Variants in MIAT observed in about 807,000 individuals in gnomAD.
The protein encoded by MIAT is MI related novel mRNA.
chr22:26,652,972 C>T, intron 2 of MIAT, among the ~76,000 whole-genome samples: 1 of 152,152 alleles, frequency 6.6e-6, no homozygotes, highest in East Asian at 1.9e-4. Context: ...CTTGCTCTTC[C>T]TAGCATATGT....
At chr22:26,659,652 A>G (rs1930586068) in intron 2 of MIAT, among the ~76,000 whole-genome samples, 1 of 152,074 alleles carries the variant, frequency 6.6e-6, no homozygotes, top group Non-Finnish European at 1.5e-5. Context: ...AGCCTGGGCA[A>G]CATGGTGAGA....
chr22:26,654,910 C>A (rs929747382), intron 2 of MIAT, among the ~76,000 whole-genome samples: 1 of 152,090 alleles, frequency 6.6e-6, no homozygotes, highest in Non-Finnish European at 1.5e-5. Context: ...GATGGGGTTT[C>A]ACCGTATTAG....
intron 2 of MIAT, among the ~76,000 whole-genome samples, chr22:26,649,899 G>A (rs376487756): frequency 6.6e-6 from 1 of 151,314 alleles, no homozygotes; most frequent in African/African-American, 2.4e-5. Flanking sequence ...GCAACAGAGC[G>A]AGACTCCGTC....
At chr22:26,670,578 C>T (rs1273560433), downstream of MIAT, 2 of 353,400 alleles carry the variant, frequency 5.7e-6, no homozygotes, top group African/African-American at 5.3e-5. Flanking sequence ...CTTAAAGTAA[C>T]TTCTAGGAAA....
At chr22:26,660,123 C>T (rs1208101514) in intron 2 of MIAT, among the ~76,000 whole-genome samples, 2 of 151,128 alleles carry the variant, frequency 1.3e-5, no homozygotes, top group African/African-American at 2.4e-5. Flanking sequence ...GGCGTGAGCC[C>T]CCACACCTGA....
chr22:26,660,490 A>C (rs948511110), intron 2 of MIAT, among the ~76,000 whole-genome samples: 2 of 151,668 alleles, frequency 1.3e-5, no homozygotes, highest in Non-Finnish European at 2.9e-5. Context: ...AAGAAGAAGA[A>C]GAAGAAAAGA....
In MIAT at chr22:26,654,019, C is replaced by T. The variant is rs1485480954; in HGVS notation, n.646+6708C>T. ...CCTCCCAAAGTGCTGGGATTACAGG[C>T]GTGAGCCACCACGGTGAGCCTCTTC... On this transcript the variant is annotated intron_variant and non_coding_transcript_variant, in intron 2 of 5. Coordinates refer to ENST00000643270, the Ensembl canonical transcript of MIAT. Among the ~76,000 whole-genome samples the T allele has an allele frequency of 3.3e-5, 5 of 152,266 alleles. 1 individual carries two copies. Among genetic ancestry groups the T allele is most frequent in the South Asian group, 4.1e-4 (2 of 4,828 alleles).
At chr22:26,668,862 C>A in exon 6 of MIAT, 1 of 398,738 alleles carries the variant, frequency 2.5e-6, no homozygotes, top group Non-Finnish European at 4.4e-6. Flanking sequence ...CTGGGAGGGG[C>A]AGCCAGAGGG....
At chr22:26,673,559 A>G, downstream of MIAT, 1 of 398,524 alleles carries the variant, frequency 2.5e-6, no homozygotes, top group Non-Finnish European at 4.4e-6. Context: ...TGGTTTGTGG[A>G]TTTTTTTCTG....
chr22:26,670,044 T>G (rs978549509), downstream of MIAT: 2 of 389,016 alleles, frequency 5.1e-6, no homozygotes, highest in African/African-American at 4.3e-5. Context: ...AGTATAGACT[T>G]AGGGTTTATC....
intron 2 of MIAT, chr22:26,658,331 C>T (rs1930537639): frequency 6.6e-6 from 1 of 152,192 alleles, no homozygotes; most frequent in Admixed American, 6.5e-5. Context: ...ACAACAGTCC[C>T]ACGAGGTGGT....
chr22:26,657,315 C>A (rs116451230), intron 2 of MIAT: 378 of 394,056 alleles, frequency 9.6e-4, no homozygotes, highest in Non-Finnish European at 1.4e-3. Flanking sequence ...CCTCCAAGAC[C>A]GGTTGCACCC....
intron 5 of MIAT, chr22:26,668,141 G>A (rs952164531): frequency 1.3e-5 from 5 of 398,568 alleles, no homozygotes; most frequent in African/African-American, 2.1e-5. Context: ...ATCCTCACTC[G>A]CTGTCTTCTC....
At chr22:26,661,045 C>CT (rs1930645243) in intron 2 of MIAT, among the ~76,000 whole-genome samples, 1 of 152,198 alleles carries the variant, frequency 6.6e-6, no homozygotes, top group Admixed American at 6.5e-5. Context: ...TATGTAGCCC[C>CT]TGAGTCTTGT....
chr22:26,649,560 G>A (rs1204970395), intron 2 of MIAT, among the ~76,000 whole-genome samples: 1 of 152,208 alleles, frequency 6.6e-6, no homozygotes, highest in African/African-American at 2.4e-5. Context: ...CTGTGCAAGG[G>A]GCAGCCTGGA....
At chr22:26,669,127 A>G in exon 6 of MIAT, 1 of 398,654 alleles carries the variant, frequency 2.5e-6, no homozygotes, top group Non-Finnish European at 4.4e-6. Context: ...AGGCCCCACA[A>G]TCTGCAATTC....
intron 2 of MIAT, among the ~76,000 whole-genome samples, chr22:26,652,599 G>A (rs1206658499): frequency 1.3e-5 from 2 of 152,008 alleles, no homozygotes; most frequent in South Asian, 2.1e-4. Context: ...CTTGTGATCT[G>A]CCCCCCTCGG....
At chr22:26,668,030 T>C (rs1275243178) in intron 5 of MIAT, 1 of 397,358 alleles carries the variant, frequency 2.5e-6, no homozygotes, top group African/African-American at 2.1e-5. Context: ...GTGTGTGTGC[T>C]GGGGGCATGA....
At chr22:26,647,176 C>G (rs763270) in exon 2 of MIAT, 4,684 of 398,526 alleles carry the variant, frequency 0.012, 192 homozygotes, top group African/African-American at 0.087. Flanking sequence ...CTATAAAGTG[C>G]TTTCTGAGAA....
Sources: allele counts gnomAD v4.1 joint callset (sites outside exome capture counted in the v4.1 genomes callset), GRCh38; gene constraint gnomAD v4.1.1; transcripts MANE v1.5; gene names NCBI Gene and HGNC (gene_info 2026-07-23, HGNC 2026-07-21).